Variants in MAGI2 observed in about 807,000 individuals in gnomAD.
MAGI2 encodes the protein membrane-associated guanylate kinase, WW and PDZ domain-containing protein 2.
A neutral mutation model predicts 133.3 loss-of-function variants in MAGI2; 35 were observed. The observed-to-expected ratio is 0.26, with a 90% CI of 0.20 to 0.35. The LOEUF (loss-of-function observed/expected upper bound fraction) is 0.35, where lower values mean the gene tolerates loss of function less well. Among genes scored for constraint, MAGI2 ranks in the 10% least tolerant of loss-of-function variants. The pLI is 1.00. For missense variants in MAGI2, 1,636 were observed against 1,863.4 expected, an observed-to-expected ratio of 0.88 and a Z score of 2.25; for synonymous variants, 729 against 710.6, an observed-to-expected ratio of 1.03 and a Z score of -0.41.
chr7:78,433,482 C>T (rs56309024), intron 6 of MAGI2, among the ~76,000 whole-genome samples: 15,088 of 151,998 alleles, frequency 0.099, 785 homozygotes, highest in Middle Eastern at 0.15. Flanking sequence ...ATCTTTCTAT[C>T]GAAAAATCTT....
intron 6 of MAGI2, among the ~76,000 whole-genome samples, chr7:78,415,723 G>A (rs1798240183): frequency 2.0e-5 from 3 of 152,022 alleles, no homozygotes; most frequent in Admixed American, 2.0e-4. Context: ...CAGCAGTGGT[G>A]GTAATAGAGT....
intron 2 of MAGI2, among the ~76,000 whole-genome samples, chr7:78,884,213 C>T (rs1013934305): frequency 2.0e-5 from 3 of 152,124 alleles, no homozygotes; most frequent in Non-Finnish European, 4.4e-5. Context: ...CACTGTGGCT[C>T]ATATCTGTAA....
chr7:79,378,926 G>GTA lies in MAGI2; in HGVS notation c.301+74092_301+74093dup, dbSNP rs59388508. On this transcript the variant is annotated intron_variant, in intron 1 of 21. Coordinates refer to ENST00000354212, the MANE Select transcript of MAGI2 (RefSeq NM_012301.4). ...CTTTTATATATATATATGTGTGTGT[G>GTA]TATATATATATATATATATATATAT... 8.6e-3 allele frequency among the ~76,000 whole-genome samples: 802 copies of GTA among 93,750 alleles called. 5 individuals carry two copies. Among genetic ancestry groups the GTA allele is most frequent in the Non-Finnish European group, 0.011 (465 of 42,898 alleles). The allele number at this position is 93,750 out of a possible 152,430, so 61.5% of individuals were successfully genotyped here. A position where few individuals can be genotyped will look rare whatever the true frequency, so the allele number is the denominator to read the frequency against.
intron 1 of MAGI2, among the ~76,000 whole-genome samples, chr7:79,138,600 A>G (rs929806411): frequency 1.3e-5 from 2 of 152,186 alleles, no homozygotes; most frequent in Non-Finnish European, 1.5e-5. Flanking sequence ...GGTTGAAGCC[A>G]TAACCCCCAA....
chr7:79,117,937 A>T (rs1363138088), intron 1 of MAGI2, among the ~76,000 whole-genome samples: 1 of 152,200 alleles, frequency 6.6e-6, no homozygotes, highest in Admixed American at 6.5e-5. Context: ...GGCCATATTC[A>T]ACTATTCACT....
At chr7:79,154,743 A>G (rs1823597611) in intron 1 of MAGI2, among the ~76,000 whole-genome samples, 1 of 152,110 alleles carries the variant, frequency 6.6e-6, no homozygotes, top group Non-Finnish European at 1.5e-5. Context: ...CCTGGCTGAC[A>G]TTACTTTTGT....
At chr7:78,095,834 C>T (rs1190084618) in intron 20 of MAGI2, among the ~76,000 whole-genome samples, 1 of 152,144 alleles carries the variant, frequency 6.6e-6, no homozygotes, top group Non-Finnish European at 1.5e-5. Context: ...TGGCATGAGT[C>T]ATAATTTCCT....
chr7:79,059,147 T>C (rs181328795), intron 1 of MAGI2, among the ~76,000 whole-genome samples: 2 of 152,186 alleles, frequency 1.3e-5, no homozygotes, highest in East Asian at 3.9e-4. Context: ...TATTTTATAT[T>C]ACAAATAATA....
chr7:78,083,352 GAGA>G (rs1214539147), intron 20 of MAGI2, among the ~76,000 whole-genome samples: 7 of 124,416 alleles, frequency 5.6e-5, no homozygotes, highest in African/African-American at 1.5e-4. Context: ...GAGGGAGAAG[GAGA>G]TGGTGGGGGG....
In MAGI2 at chr7:78,288,008, A is replaced by C. The variant is rs1280579992; in HGVS notation, c.1409-31427T>G. Among the ~76,000 whole-genome samples the C allele has an allele frequency of 3.9e-5, 6 of 152,208 alleles. No homozygotes were observed. The East Asian group carries it at 9.6e-4, about 24-fold the overall frequency. ...AAGTTATCATTTAGACAAGAGAAGA[A>C]GAAATGCCTATAAATACTATCATCT... is the stretch of plus-strand genomic sequence containing the variant. On this transcript the variant is annotated intron_variant, in intron 9 of 21. Coordinates refer to ENST00000354212, the MANE Select transcript of MAGI2 (RefSeq NM_012301.4).
chr7:78,564,954 C>T lies in MAGI2; in HGVS notation c.539-43309G>A, dbSNP rs1041028028. Among the ~76,000 whole-genome samples the T allele has an allele frequency of 2.0e-5, 3 of 151,646 alleles. No homozygotes were observed. The South Asian group carries it at 6.3e-4, about 32-fold the overall frequency. On this transcript the variant is annotated intron_variant, in intron 3 of 21. Transcript: ENST00000354212. ...GACTACAGGCACCCGCCACCACGCC[C>T]AGCTAATTTTTTGTGTTTTTAGTAG...
chr7:79,334,714 T>C (rs1160533281), intron 1 of MAGI2, among the ~76,000 whole-genome samples: 1 of 152,126 alleles, frequency 6.6e-6, no homozygotes, highest in Admixed American at 6.5e-5. Context: ...AGTTGACAAT[T>C]TAAATACAGG....
At chr7:78,439,922 A>G (rs1787431040) in intron 6 of MAGI2, among the ~76,000 whole-genome samples, 1 of 152,140 alleles carries the variant, frequency 6.6e-6, no homozygotes, top group Non-Finnish European at 1.5e-5. Flanking sequence ...CCTAGTGAGC[A>G]CTTAAAACGT....
chr7:78,619,650 C>G (rs996455625), intron 3 of MAGI2, among the ~76,000 whole-genome samples: 3 of 151,920 alleles, frequency 2.0e-5, no homozygotes, highest in African/African-American at 4.8e-5. Flanking sequence ...AATTCCTAAA[C>G]TGAAAGCGAA....
chr7:78,672,033 C>T (rs1054681104), intron 2 of MAGI2, among the ~76,000 whole-genome samples: 2 of 152,040 alleles, frequency 1.3e-5, no homozygotes, highest in African/African-American at 4.8e-5. Flanking sequence ...CTTGTAAGGC[C>T]CAAAATGCAT....
intron 2 of MAGI2, among the ~76,000 whole-genome samples, chr7:78,963,823 C>T (rs376723854): frequency 6.6e-6 from 1 of 151,682 alleles, no homozygotes; most frequent in African/African-American, 2.4e-5. Flanking sequence ...GGTGTTGGCT[C>T]GGTTCCTAAT....
At chr7:78,258,286 G>T (rs1218916062) in intron 9 of MAGI2, among the ~76,000 whole-genome samples, 3 of 152,146 alleles carry the variant, frequency 2.0e-5, no homozygotes, top group Non-Finnish European at 4.4e-5. Flanking sequence ...GATGCTTTGG[G>T]AATCGTTTTT....
At chr7:79,243,194 A>G (rs1265835439) in intron 1 of MAGI2, among the ~76,000 whole-genome samples, 2 of 152,170 alleles carry the variant, frequency 1.3e-5, no homozygotes, top group Admixed American at 6.6e-5. Context: ...GAAAAGCCCC[A>G]TACAGCATCA....
At chr7:78,187,988 C>T (rs940582) in intron 12 of MAGI2, among the ~76,000 whole-genome samples, 41,822 of 151,978 alleles carry the variant, frequency 0.28, 6,356 homozygotes, top group South Asian at 0.36. Context: ...TTACTTTTTA[C>T]TCCTCCCCCT....
Sources: gnomAD v4.1 joint callset for allele counts (sites outside exome capture counted in the v4.1 genomes callset) on GRCh38, gnomAD v4.1.1 for gene constraint, MANE v1.5 for transcripts, NCBI Gene and HGNC (gene_info 2026-07-23, HGNC 2026-07-21) for gene names.